ZNF573: variants seen among roughly 807,000 people sequenced by gnomAD.
ZNF573 encodes zinc finger protein 573.
A neutral mutation model predicts 57.4 loss-of-function variants in ZNF573; 41 were observed. The ratio of observed to expected loss-of-function variants is 0.71; its 90% CI spans 0.56 to 0.93. ZNF573 has a LOEUF of 0.93. Ranked by LOEUF, ZNF573 falls within the 40% of genes least tolerant of loss-of-function variation. The probability of loss-of-function intolerance (pLI) is 0.00; values close to 1 mark genes in which losing one functional copy is unlikely to be tolerated. For missense variants in ZNF573, 730 were observed against 794.8 expected (o/e 0.92, Z 0.98); for synonymous variants, 249 against 261.0 (o/e 0.95, Z 0.44).
At chr19:37,771,164 T>C (rs1344434981) in intron 3 of ZNF573, among the ~76,000 whole-genome samples, 2 of 151,652 alleles carry the variant, frequency 1.3e-5, no homozygotes, top group Non-Finnish European at 2.9e-5. Context: ...TGAATCTGCG[T>C]CTTTTGTCCC....
At chr19:37,742,742 A>T (rs1231963816) in intron 4 of ZNF573, among the ~76,000 whole-genome samples, 1 of 152,254 alleles carries the variant, frequency 6.6e-6, no homozygotes, top group Non-Finnish European at 1.5e-5. Context: ...AAACCTAGGC[A>T]ATGCCATTCA....
At chr19:37,764,961 A>G (rs2045588726) in intron 4 of ZNF573, among the ~76,000 whole-genome samples, 1 of 139,458 alleles carries the variant, frequency 7.2e-6, no homozygotes, top group Non-Finnish European at 1.5e-5. Flanking sequence ...GCTGGAGTGC[A>G]GTGGCATGAT....
At chr19:37,752,535 T>C (rs894444290) in intron 4 of ZNF573, among the ~76,000 whole-genome samples, 1 of 152,230 alleles carries the variant, frequency 6.6e-6, no homozygotes, top group African/African-American at 2.4e-5. Flanking sequence ...TCCTTTTTTA[T>C]ATGCAGAATA....
intron 4 of ZNF573, among the ~76,000 whole-genome samples, chr19:37,749,098 G>A (rs1221853509): frequency 6.6e-6 from 1 of 151,826 alleles, no homozygotes; most frequent in Admixed American, 6.6e-5. Flanking sequence ...TGACTTTGAA[G>A]GAGAATGTCT....
chr19:37,774,329 C>T (rs1255118187), intron 1 of ZNF573, among the ~76,000 whole-genome samples: 1 of 151,558 alleles, frequency 6.6e-6, no homozygotes, highest in South Asian at 2.1e-4. Context: ...TTAGTAGAGA[C>T]GGGGTTTCAC....
intron 4 of ZNF573, among the ~76,000 whole-genome samples, chr19:37,765,067 G>A (rs2045589804): frequency 6.6e-6 from 1 of 151,924 alleles, no homozygotes; most frequent in Non-Finnish European, 1.5e-5. Flanking sequence ...CACAATGCCT[G>A]GCTAATTTTT....
chr19:37,771,440 T>C, intron 3 of ZNF573, 124 bp downstream of exon 3: 1 of 1,150,592 alleles, frequency 8.7e-7, no homozygotes, highest in Non-Finnish European at 1.2e-6. Context: ...AGAGCTGAAA[T>C]ATTCCTCTAA....
At position 37,738,916 on chromosome 19, in the gene ZNF573, G is replaced by T. The variant is rs779670343; in HGVS notation, c.1574C>A (p.Pro525His). 2.2e-5 allele frequency: 36 copies of T among 1,610,516 alleles called. 2 individuals are homozygous for T. In the South Asian group the frequency reaches 3.9e-4, roughly 17 times the overall value. ...QHQKIHTGMK[P>H]YECKVCRKTF... ...TTTTCTACATACCTTACATTCATAG[G>T]GTTTCATACCAGTATGAATTTTCTG... Residue 525 changes from proline (P) to histidine (H), a missense_variant, in exon 5 of 5, where the codon CCC becomes CAC. Pro to His is a moderately conservative substitution (Grantham distance 77). Coordinates refer to ENST00000536220, the MANE Select transcript of ZNF573 (RefSeq NM_001172690.2).
intron 4 of ZNF573, among the ~76,000 whole-genome samples, chr19:37,756,366 G>A (rs1029985809): frequency 1.3e-5 from 2 of 152,150 alleles, no homozygotes; most frequent in African/African-American, 4.8e-5. Flanking sequence ...TACGGTTTCA[G>A]AAATAGTAGA....
chr19:37,750,086 A>ATT (rs558621811), intron 4 of ZNF573, among the ~76,000 whole-genome samples: 7 of 144,446 alleles, frequency 4.8e-5, no homozygotes, highest in Non-Finnish European at 6.1e-5. Flanking sequence ...TTTTTTTTTA[A>ATT]TTTTTTTTTT....
chr19:37,771,320 C>G (rs887152804), intron 3 of ZNF573, among the ~76,000 whole-genome samples: 4 of 151,762 alleles, frequency 2.6e-5, no homozygotes, highest in Non-Finnish European at 5.9e-5. Context: ...AACCCAGCCC[C>G]TTGGATATTA....
intron 4 of ZNF573, among the ~76,000 whole-genome samples, chr19:37,763,003 C>T (rs2045567068): frequency 6.6e-6 from 1 of 151,982 alleles, no homozygotes; most frequent in Non-Finnish European, 1.5e-5. Flanking sequence ...GAACTCCTGA[C>T]CTCAAGCGAT....
chr19:37,778,082 A>C (rs1054319434), intron 1 of ZNF573, among the ~76,000 whole-genome samples: 2 of 151,434 alleles, frequency 1.3e-5, no homozygotes, highest in Non-Finnish European at 2.9e-5. Flanking sequence ...AGTAACTAAT[A>C]CAAATTCTGT....
At chr19:37,779,050 T>C (rs892542863) in intron 1 of ZNF573, among the ~76,000 whole-genome samples, 2 of 152,160 alleles carry the variant, frequency 1.3e-5, no homozygotes. Flanking sequence ...AGACATTTTT[T>C]GTGTGTGTCA....
chr19:37,741,713 G>T (rs2045328881), intron 4 of ZNF573, among the ~76,000 whole-genome samples: 1 of 152,040 alleles, frequency 6.6e-6, no homozygotes, highest in Non-Finnish European at 1.5e-5. Flanking sequence ...ACCCACAGCT[G>T]ATATCATATT....
intron 4 of ZNF573, among the ~76,000 whole-genome samples, chr19:37,758,272 C>A (rs1358731892): frequency 2.2e-5 from 2 of 92,544 alleles, no homozygotes; most frequent in Non-Finnish European, 2.1e-5. Flanking sequence ...TATAAAATTA[C>A]CCAGTTGCTA....
rs1555742418 is a variant in ZNF573, at chr19:37,758,199, T to TTA, written c.295+11805_295+11806insTA. On this transcript the variant is annotated intron_variant, in intron 4 of 4. Transcript: ENST00000536220. ...ATGTACCCTAGAACTTAAAGTATAA[T>TTA]AAAATATATATATATATATATATAT... Among the ~76,000 whole-genome samples, 11 of 11,880 alleles carry TTA rather than the reference T, an allele frequency of 9.3e-4. No individual in the cohort carries two copies. The South Asian group carries it at 0.01, about 11-fold the overall frequency. The allele number at this position is 11,880 out of a possible 152,430, so 7.8% of individuals were successfully genotyped here.
chr19:37,771,791 A>T (rs2045661918), intron 2 of ZNF573, 95 bp from the exon 3 acceptor site: 4 of 1,307,670 alleles, frequency 3.1e-6, no homozygotes, highest in Middle Eastern at 1.9e-4. Context: ...GTGATATAGT[A>T]TATGTGGCTA....
intron 4 of ZNF573, among the ~76,000 whole-genome samples, chr19:37,764,607 CT>C (rs559596334): frequency 1.4e-3 from 188 of 138,378 alleles, no homozygotes; most frequent in Non-Finnish European, 1.4e-3. Context: ...GCATGAGTCA[CT>C]TTTTTTTTTT....
Sources: allele counts gnomAD v4.1 joint callset (sites outside exome capture counted in the v4.1 genomes callset), GRCh38; gene constraint gnomAD v4.1.1; transcripts MANE v1.5; gene names NCBI Gene and HGNC (gene_info 2026-07-23, HGNC 2026-07-21).